The following RBFOX1 variants were observed in gnomAD, a reference collection of about 807,000 sequenced individuals.
RBFOX1 encodes the protein RNA binding fox-1 homolog 1, also known as RNA binding protein fox-1 homolog 1.
A neutral mutation model predicts 57.7 loss-of-function variants in RBFOX1; 8 were observed. The ratio of observed to expected loss-of-function variants is 0.14; its 90% confidence interval spans 0.08 to 0.25. The LOEUF (loss-of-function observed/expected upper bound fraction) is 0.25. Among genes scored for constraint, RBFOX1 ranks in the 10% least tolerant of loss-of-function variants. The pLI, the probability that RBFOX1 is intolerant of heterozygous loss-of-function variation, is 1.00. For missense variants in RBFOX1, 611 were observed against 548.5 expected, an observed-to-expected ratio of 1.11 and a Z score of -1.14; for synonymous variants, 326 against 222.4, an observed-to-expected ratio of 1.47 and a Z score of -4.15.
chr16:6,518,196 G>A (rs1044763040), intron 2 of RBFOX1, among the ~76,000 whole-genome samples: 13 of 152,172 alleles, frequency 8.5e-5, no homozygotes, highest in Admixed American at 2.0e-4. Context: ...AAATAAACTT[G>A]ATAAGGTTTT....
At chr16:5,833,449 C>T (rs907254033) in intron 3 of RBFOX1, among the ~76,000 whole-genome samples, 59 of 149,082 alleles carry the variant, frequency 4.0e-4, no homozygotes, top group African/African-American at 1.4e-3. Context: ...GAGCCAAGAC[C>T]GCACCACTGC....
chr16:6,231,228 G>A (rs1418709804), intron 1 of RBFOX1, among the ~76,000 whole-genome samples: 1 of 96,518 alleles, frequency 1.0e-5, no homozygotes, highest in East Asian at 3.6e-4. Flanking sequence ...GTGTGTGTGT[G>A]TGTGTGTGTA....
chr16:6,159,785 T>C (rs915821701), intron 1 of RBFOX1, among the ~76,000 whole-genome samples: 1 of 152,184 alleles, frequency 6.6e-6, no homozygotes, highest in Admixed American at 6.5e-5. Flanking sequence ...ATTGCCCACA[T>C]GTACAAAAAT....
rs150295997 is a variant in RBFOX1, at chr16:7,521,665, G to A, written c.270+3276G>A. Among the ~76,000 whole-genome samples, 5 of 152,292 alleles carry A rather than the reference G, an allele frequency of 3.3e-5. No homozygotes were observed. The East Asian group carries it at 7.7e-4, about 24-fold the overall frequency. On this transcript the variant is annotated intron_variant, in intron 5 of 15. Transcript: ENST00000550418. Reference sequence around the variant, plus strand: ...TTTGTTTTCTGTTAATTATGATAACGTGCCAAATTCTAGCATATAGATTTT... The same window carrying A: ...TTTGTTTTCTGTTAATTATGATAACATGCCAAATTCTAGCATATAGATTTT...
intron 3 of RBFOX1, among the ~76,000 whole-genome samples, chr16:7,021,810 T>A (rs558746942): frequency 1.7e-4 from 25 of 151,344 alleles, no homozygotes; most frequent in African/African-American, 5.8e-4. Context: ...AAAGCCTTTA[T>A]AGATTTATTT....
chr16:6,524,358 G>C (rs953458608), intron 2 of RBFOX1, among the ~76,000 whole-genome samples: 1 of 152,142 alleles, frequency 6.6e-6, no homozygotes, highest in South Asian at 2.1e-4. Context: ...GTACTCCATT[G>C]TGTGCATACC....
At chr16:5,985,219 C>G (rs2060263098) in intron 4 of RBFOX1, among the ~76,000 whole-genome samples, 1 of 151,416 alleles carries the variant, frequency 6.6e-6, no homozygotes, top group Non-Finnish European at 1.5e-5. Context: ...GTCTCGATCT[C>G]CTGACCTCCT....
chr16:5,796,004 T>C (rs79554783), intron 3 of RBFOX1, among the ~76,000 whole-genome samples: 4,034 of 152,316 alleles, frequency 0.026, 172 homozygotes, highest in African/African-American at 0.09. Flanking sequence ...CCCATTTGCA[T>C]AGGGCTGTGC....
rs188499401 is a variant in RBFOX1, at chr16:5,597,864, C to G, written c.259-1038C>G. On this transcript the variant is annotated intron_variant, in intron 2 of 2. Transcript: ENST00000585867. ...GGCATGCTCAGTTCAAGCTGAGGCT[C>G]CACTGCAACCCTGCTGAGTGCTGTG... Among the ~76,000 whole-genome samples, 27 of 152,282 alleles carry G rather than the reference C, an allele frequency of 1.8e-4. No homozygotes were observed. The East Asian group carries it at 5.2e-3, about 29-fold the overall frequency.
At chr16:7,485,690 G>C (rs1436991919) in intron 4 of RBFOX1, among the ~76,000 whole-genome samples, 3 of 152,120 alleles carry the variant, frequency 2.0e-5, no homozygotes, top group Non-Finnish European at 4.4e-5. Flanking sequence ...TTGTTATTAT[G>C]TGAAACACAT....
intron 3 of RBFOX1, among the ~76,000 whole-genome samples, chr16:6,937,308 C>T (rs2077540207): frequency 6.6e-6 from 1 of 152,166 alleles, no homozygotes; most frequent in South Asian, 2.1e-4. Flanking sequence ...TTCATTCCCA[C>T]ATCCCCCGAA....
intron 2 of RBFOX1, among the ~76,000 whole-genome samples, chr16:6,399,684 C>G (rs1219200983): frequency 2.6e-5 from 4 of 152,234 alleles, no homozygotes; most frequent in African/African-American, 9.6e-5. Flanking sequence ...ATCTTTACAG[C>G]AGTGCACTCC....
At chr16:6,939,161 T>G (rs1328564115) in intron 3 of RBFOX1, among the ~76,000 whole-genome samples, 2 of 152,132 alleles carry the variant, frequency 1.3e-5, no homozygotes, top group African/African-American at 2.4e-5. Context: ...ATGGCATAGC[T>G]GGAATTAGAA....
At chr16:5,491,843 T>C (rs906143154) in intron 2 of RBFOX1, among the ~76,000 whole-genome samples, 5 of 152,192 alleles carry the variant, frequency 3.3e-5, no homozygotes, top group African/African-American at 1.2e-4. Flanking sequence ...CAGGGAGCTT[T>C]AAAGAACAAA....
At chr16:7,065,556 T>C (rs1868432424) in intron 4 of RBFOX1, among the ~76,000 whole-genome samples, 2 of 152,226 alleles carry the variant, frequency 1.3e-5, no homozygotes, top group Admixed American at 6.5e-5. Flanking sequence ...TATATCCTTA[T>C]TGTATACAGC....
At chr16:6,040,995 C>G (rs1172238176) in intron 1 of RBFOX1, among the ~76,000 whole-genome samples, 1 of 152,232 alleles carries the variant, frequency 6.6e-6, no homozygotes, top group South Asian at 2.1e-4. Context: ...CGTGTTTTAG[C>G]TATTATGACA....
At chr16:6,555,823 A>G (rs1186345831) in intron 2 of RBFOX1, among the ~76,000 whole-genome samples, 1 of 152,200 alleles carries the variant, frequency 6.6e-6, no homozygotes, top group Admixed American at 6.5e-5. Context: ...TGCCTATTCT[A>G]GACATTTTCT....
chr16:6,022,064 G>A (rs2095091306), intron 1 of RBFOX1, among the ~76,000 whole-genome samples: 2 of 152,110 alleles, frequency 1.3e-5, no homozygotes, highest in Non-Finnish European at 2.9e-5. Flanking sequence ...TCTGCTCTCT[G>A]CATGTTCCAA....
Position 7,710,663 on chromosome 16 carries a change from A to C in RBFOX1, c.1112A>C (p.His371Pro). The C allele has an allele frequency of 6.2e-7, 1 of 1,613,692 alleles. No homozygotes were observed. ...APLTDAKTRSHADDVGLVLSS... is the reference protein window; with the variant it reads ...APLTDAKTRSPADDVGLVLSS... Reference sequence around the variant, plus strand: ...TTGACTGATGCCAAGACTAGGAGCCATGCTGATGATGTGGGTCTCGTTCTT... The same window carrying C: ...TTGACTGATGCCAAGACTAGGAGCCCTGCTGATGATGTGGGTCTCGTTCTT... The change falls in exon 16 of 16, where the codon CAT becomes CCT. Residue 371 changes from histidine (H) to proline (P), a missense_variant. Physicochemically the swap from His to Pro is moderately conservative, Grantham distance 77. Transcript: ENST00000550418.
Sources: gnomAD v4.1 joint callset for allele counts (sites outside exome capture counted in the v4.1 genomes callset) on GRCh38, gnomAD v4.1.1 for gene constraint, MANE v1.5 for transcripts, NCBI Gene and HGNC (gene_info 2026-07-23, HGNC 2026-07-21) for gene names.